The following ME1 variants were observed in gnomAD, a reference collection of about 807,000 sequenced individuals.
ME1 encodes the protein NADP-dependent malic enzyme.
ME1 carries 74 observed loss-of-function variants against 66.4 expected under a neutral mutation model. That is an observed-to-expected ratio of 1.11 (90% confidence interval 0.92 to 1.35). The LOEUF is 1.35. Among genes scored for constraint, ME1 ranks in the 40% most tolerant of loss-of-function variants. The pLI is 0.00. For synonymous variants in ME1, 251 were observed against 235.6 expected, an observed-to-expected ratio of 1.07 and a Z score of -0.60; for missense variants, 750 against 694.1, an observed-to-expected ratio of 1.08 and a Z score of -0.90.
At chr6:83,357,030 A>C (rs6930990) in intron 3 of ME1, among the ~76,000 whole-genome samples, 72,365 of 152,028 alleles carry the variant, frequency 0.48, 19,327 homozygotes, top group African/African-American at 0.72. Context: ...TTGACTTTCA[A>C]GACATTGATA....
chr6:83,348,279 A>C (rs1197421246), intron 4 of ME1, among the ~76,000 whole-genome samples: 1 of 152,184 alleles, frequency 6.6e-6, no homozygotes, highest in African/African-American at 2.4e-5. Context: ...TTAAGGCCAA[A>C]TTTTCAAAGT....
At chr6:83,341,389 A>C (rs946654732) in intron 5 of ME1, among the ~76,000 whole-genome samples, 1 of 152,158 alleles carries the variant, frequency 6.6e-6, no homozygotes, top group African/African-American at 2.4e-5. Flanking sequence ...TTTGAGTCTT[A>C]GCAAATTATC....
At chr6:83,281,081 T>C (rs567412080) in intron 6 of ME1, among the ~76,000 whole-genome samples, 1 of 152,350 alleles carries the variant, frequency 6.6e-6, no homozygotes, top group South Asian at 2.1e-4. Flanking sequence ...GAAAAGATCA[T>C]ATATCTGGCA....
intron 8 of ME1, among the ~76,000 whole-genome samples, chr6:83,238,580 G>T (rs1324127940): frequency 6.6e-6 from 1 of 151,918 alleles, no homozygotes; most frequent in East Asian, 1.9e-4. Flanking sequence ...CTGTCATTTA[G>T]CCTTGATTTT....
chr6:83,263,990 T>C lies in ME1; in HGVS notation c.705-10252A>G, dbSNP rs143381977. Among the ~76,000 whole-genome samples the C allele has an allele frequency of 1.1e-3, 172 of 152,262 alleles. No homozygotes were observed. In the Middle Eastern group the frequency reaches 0.014, roughly 12 times the overall value. On this transcript the variant is annotated intron_variant, in intron 6 of 13. Coordinates refer to ENST00000369705, the MANE Select transcript of ME1 (RefSeq NM_002395.6). ...CCTTCTGTAGAAAGATGATGGCATC[T>C]AGGGCTTTCATAGCTAGAAAGGAGA...
intron 2 of ME1, among the ~76,000 whole-genome samples, chr6:83,407,240 C>T (rs927637747): frequency 6.6e-6 from 1 of 152,186 alleles, no homozygotes; most frequent in Non-Finnish European, 1.5e-5. Flanking sequence ...ATGGCAGGGC[C>T]TGTAGTGGTT....
chr6:83,411,402 A>G (rs1770046743), intron 1 of ME1, among the ~76,000 whole-genome samples: 1 of 152,138 alleles, frequency 6.6e-6, no homozygotes, highest in Non-Finnish European at 1.5e-5. Flanking sequence ...CTGGGTTTAC[A>G]TTCTATTACC....
At chr6:83,383,732 A>G (rs1038955888) in intron 3 of ME1, among the ~76,000 whole-genome samples, 4 of 151,818 alleles carry the variant, frequency 2.6e-5, no homozygotes, top group African/African-American at 9.7e-5. Context: ...TATTCTCCAA[A>G]TTATTATAAA....
intron 1 of ME1, among the ~76,000 whole-genome samples, chr6:83,423,689 C>T (rs1178580095): frequency 6.6e-6 from 1 of 151,976 alleles, no homozygotes; most frequent in Non-Finnish European, 1.5e-5. Flanking sequence ...GTCCCAGATG[C>T]TCAGGAAGCT....
At chr6:83,227,247 T>G (rs1434866067) in intron 11 of ME1, 88 bp downstream of exon 11, 11 of 909,966 alleles carry the variant, frequency 1.2e-5, no homozygotes, top group Non-Finnish European at 1.6e-5. Flanking sequence ...ATTTTTAAAC[T>G]TAAACAGTAA....
At chr6:83,420,270 G>T (rs562393431) in intron 1 of ME1, among the ~76,000 whole-genome samples, 1 of 152,238 alleles carries the variant, frequency 6.6e-6, no homozygotes, top group African/African-American at 2.4e-5. Context: ...ATTTCACCAT[G>T]TTGGCCAGGC....
intron 6 of ME1, among the ~76,000 whole-genome samples, chr6:83,277,926 A>AATAATAATAATAATAATC (rs1767218420): frequency 6.6e-6 from 1 of 150,576 alleles, no homozygotes; most frequent in African/African-American, 2.4e-5. Flanking sequence ...TAATAATAAT[A>AATAATAATAATAATAATC]ATATTTGGAA....
Position 83,253,725 on chromosome 6 carries a change from A to T in ME1, c.718T>A (p.Cys240Ser). ...GCAAAATCTTCAAACTGAATAAGGCAATTCATGCCATACCTATGGGACAAA... is the reference window on the plus strand; with the variant it reads ...GCAAAATCTTCAAACTGAATAAGGCTATTCATGCCATACCTATGGGACAAA... ...EAVSSKYGMN[C>S]LIQFEDFANV... is the part of the protein sequence containing the mutation. Residue 240 changes from cysteine to serine, a missense_variant, in exon 7 of 14, where the codon TGC (cysteine) becomes AGC (serine). By Grantham distance (112) the Cys-to-Ser change is moderately radical. Coordinates refer to ENST00000369705, the MANE Select transcript of ME1 (RefSeq NM_002395.6). 1 of 1,585,388 alleles carries T rather than the reference A, an allele frequency of 6.3e-7. No individual in the cohort carries two copies. The highest frequency in any genetic ancestry group is 8.7e-7 in the Non-Finnish European group (1 of 1,155,308).
At chr6:83,361,981 C>T (rs1016784973) in intron 3 of ME1, among the ~76,000 whole-genome samples, 1 of 152,146 alleles carries the variant, frequency 6.6e-6, no homozygotes, top group Non-Finnish European at 1.5e-5. Context: ...TGAGGAGTTC[C>T]CTATGATCAG....
chr6:83,357,943 A>C (rs1220444520), intron 3 of ME1, among the ~76,000 whole-genome samples: 5,113 of 53,520 alleles, frequency 0.096, 186 homozygotes, highest in East Asian at 0.12. Context: ...CTCTATATAT[A>C]TATATATATA....
chr6:83,358,737 G>A (rs1768948710), intron 3 of ME1, among the ~76,000 whole-genome samples: 1 of 152,254 alleles, frequency 6.6e-6, no homozygotes, highest in Non-Finnish European at 1.5e-5. Flanking sequence ...CCCATCTCCA[G>A]TAGTGGCAAC....
At chr6:83,371,453 A>C (rs1009313334) in intron 3 of ME1, among the ~76,000 whole-genome samples, 1 of 152,208 alleles carries the variant, frequency 6.6e-6, no homozygotes, top group Non-Finnish European at 1.5e-5. Flanking sequence ...CATATGCTGA[A>C]AACTGTAGGA....
intron 3 of ME1, among the ~76,000 whole-genome samples, chr6:83,357,708 GA>G (rs993049250): frequency 2.0e-5 from 3 of 151,666 alleles, no homozygotes; most frequent in Admixed American, 1.3e-4. Flanking sequence ...TAAGCAGGCA[GA>G]AAAATGTGAA....
chr6:83,214,643 T>G (rs921102686), intron 13 of ME1, among the ~76,000 whole-genome samples: 1 of 152,190 alleles, frequency 6.6e-6, no homozygotes, highest in Non-Finnish European at 1.5e-5. Context: ...TTTATTTCCT[T>G]TCTATACTTG....
Sources: allele counts gnomAD v4.1 joint callset (sites outside exome capture counted in the v4.1 genomes callset), GRCh38; gene constraint gnomAD v4.1.1; transcripts MANE v1.5; gene names NCBI Gene and HGNC (gene_info 2026-07-23, HGNC 2026-07-21).